Variants in LY75 observed in about 807,000 individuals in gnomAD.
LY75 encodes the protein lymphocyte antigen 75.
Under a neutral mutation model 231.7 loss-of-function variants are expected in LY75, and 185 were observed. The ratio of observed to expected loss-of-function variants is 0.80; its 90% CI spans 0.71 to 0.90. The LOEUF is 0.90. Ranked by LOEUF, LY75 falls within the 40% of genes least tolerant of loss-of-function variation. The pLI, the probability that LY75 is intolerant of heterozygous loss-of-function variation, is 0.00. For synonymous variants in LY75, 668 were observed against 689.0 expected, an observed-to-expected ratio of 0.97 and a Z score of 0.48; for missense variants, 1,947 against 2,050.2, an observed-to-expected ratio of 0.95 and a Z score of 0.97.
At chr2:159,886,578 A>G (rs779718189) in intron 4 of LY75, 48 bp from the exon 5 acceptor site, 1 of 1,533,676 alleles carries the variant, frequency 6.5e-7, no homozygotes. Flanking sequence ...TGCCTAAGTT[A>G]TTATCTAAAT....
In LY75 at chr2:159,803,620, A is replaced by C. The variant is rs1352681756; in HGVS notation, c.*1424T>G. ...AATGTAAAATAAATCTATGGATTTT[A>C]TACAAAAATAAAGTACAAATGTAAG... On this transcript the variant is annotated 3_prime_UTR_variant, in exon 35 of 35. Coordinates refer to ENST00000263636, the MANE Select transcript of LY75 (RefSeq NM_002349.4). 1.4e-4 allele frequency: 3 copies of C among 21,358 alleles called. No homozygotes were observed. The highest frequency in any genetic ancestry group is 9.7e-4 in the African/African-American group (3 of 3,098). 1.3% of individuals were successfully genotyped at this position (21,358 alleles called of 1,614,324 possible). A position where few individuals can be genotyped will look rare whatever the true frequency, so the allele number is the denominator to read the frequency against.
At chr2:159,888,821 C>T (rs1685668974) in intron 4 of LY75, among the ~76,000 whole-genome samples, 1 of 152,176 alleles carries the variant, frequency 6.6e-6, no homozygotes, top group Non-Finnish European at 1.5e-5. Flanking sequence ...TTAGGCTCTG[C>T]TAAATACTTG....
At chr2:159,887,243 ACACACACG>A (rs1182848671) in intron 4 of LY75, among the ~76,000 whole-genome samples, 3 of 150,164 alleles carry the variant, frequency 2.0e-5, no homozygotes, top group African/African-American at 7.4e-5. Context: ...ACACACACAC[ACACACACG>A]TGGTACAGTG....
At chr2:159,830,266 G>A (rs752845733) in intron 28 of LY75, among the ~76,000 whole-genome samples, 2 of 152,126 alleles carry the variant, frequency 1.3e-5, no homozygotes, top group Non-Finnish European at 2.9e-5. Flanking sequence ...AGGCAGATTT[G>A]AGTAATTTAG....
At chr2:159,821,204 A>G (rs1355074134) in intron 28 of LY75, among the ~76,000 whole-genome samples, 1 of 114,472 alleles carries the variant, frequency 8.7e-6, no homozygotes, top group African/African-American at 4.0e-5. Context: ...TCTAAACTGG[A>G]TATCCACATG....
chr2:159,807,597 C>T, intron 33 of LY75: 1 of 984,752 alleles, frequency 1.0e-6, no homozygotes, highest in Non-Finnish European at 1.2e-6. Flanking sequence ...CCCACACCAC[C>T]ACCAGGACTC....
intron 28 of LY75, among the ~76,000 whole-genome samples, chr2:159,820,974 G>A (rs1274928085): frequency 6.6e-6 from 1 of 152,148 alleles, no homozygotes; most frequent in African/African-American, 2.4e-5. Flanking sequence ...GAGTAGCAGG[G>A]ATTACAGGTG....
At position 159,890,260 on chromosome 2, in the gene LY75, G is replaced by A. The variant is rs1225374680; in HGVS notation, c.755C>T (p.Ala252Val). Residue 252 changes from alanine (A) to valine (V), a missense_variant, in exon 4 of 35, where the codon GCT becomes GTT. Transcript: ENST00000263636. Reference sequence around the variant, plus strand: ...AGCACTGTTGATGCTCAGTAAATCAGCTCCTTGATTCTGACATGAAACATA... The same window carrying A: ...AGCACTGTTGATGCTCAGTAAATCAACTCCTTGATTCTGACATGAAACATA... ...EAYVSCQNQGADLLSINSAAE... is the reference protein window; with the variant it reads ...EAYVSCQNQGVDLLSINSAAE... The A allele has an allele frequency of 6.2e-7, 1 of 1,613,452 alleles. No individual in the cohort carries two copies. Among genetic ancestry groups the A allele is most frequent in the Non-Finnish European group, 8.5e-7 (1 of 1,179,662 alleles).
chr2:159,840,603 A>G, intron 25 of LY75, 126 bp downstream of exon 25: 1 of 1,412,462 alleles, frequency 7.1e-7, no homozygotes, highest in Non-Finnish European at 9.5e-7. Flanking sequence ...GACATATTCC[A>G]TGAAATTTAC....
Position 159,854,502 on chromosome 2 carries a change from A to G in LY75, c.2453T>C (p.Ile818Thr), listed in dbSNP as rs758429761. 9.9e-6 allele frequency: 16 copies of G among 1,613,278 alleles called. No individual in the cohort carries two copies. Among genetic ancestry groups the G allele is most frequent in the African/African-American group, 1.3e-5 (1 of 74,904 alleles). Residue 818 changes from isoleucine to threonine, a missense_variant, in exon 18 of 35, where the codon ATT becomes ACT. Coordinates refer to ENST00000263636, the MANE Select transcript of LY75 (RefSeq NM_002349.4). ...AACAAACCAATATTCACTTCCTTCA[A>G]TTATAAGTGGAGGTCCATGAATTCC... Reference protein sequence around the residue: ...RAGIHGPPLIIEGSEYWFVAD... With the variant: ...RAGIHGPPLITEGSEYWFVAD...
rs187933775 is a variant in LY75 at position 159,808,227 on chromosome 2, T to C, written c.4822+222A>G. Reference sequence around the variant, plus strand: ...GCCTCTAGAAAGATTCCACTTTATTTAACAGGATTTTCTGTGTCATTAGTG... The same window carrying C: ...GCCTCTAGAAAGATTCCACTTTATTCAACAGGATTTTCTGTGTCATTAGTG... On this transcript the variant is annotated intron_variant, in intron 33 of 34. Transcript: ENST00000263636. The C allele has an allele frequency of 6.8e-4, 543 of 795,440 alleles. 1 individual carries two copies. The highest frequency in any genetic ancestry group is 7.8e-4 in the Non-Finnish European group (510 of 656,520). 49.3% of individuals were successfully genotyped at this position (795,440 alleles called of 1,614,324 possible).
chr2:159,805,232 G>A lies in LY75; in HGVS notation c.4991-10C>T. On this transcript the variant is annotated splice_polypyrimidine_tract_variant and intron_variant, in intron 34 of 34. Transcript: ENST00000263636. Reference sequence around the variant, plus strand: ...GCTGTGTAATCAGGGCCTGGAACAGGAAAAGGTTTGATGTTGGAGGAGAGA... The same window carrying A: ...GCTGTGTAATCAGGGCCTGGAACAGAAAAAGGTTTGATGTTGGAGGAGAGA... The A allele has an allele frequency of 6.2e-7, 1 of 1,610,444 alleles. No individual in the cohort carries two copies. The highest frequency in any genetic ancestry group is 8.5e-7 in the Non-Finnish European group (1 of 1,177,342).
Position 159,872,538 on chromosome 2 carries a change from A to G in LY75, c.2030T>C (p.Phe677Ser), listed in dbSNP as rs1471191393. ...AAGGTGTGCTCCAAGGGCTTGGCAG[A>G]ATCGTTCAGCTTCTTCCCAGTTCCT... ...RKRNWEEAERFCQALGAHLSS... is the reference protein window; with the variant it reads ...RKRNWEEAERSCQALGAHLSS... Residue 677 changes from phenylalanine to serine, a missense_variant, in exon 13 of 35, where the codon TTC becomes TCC. Transcript: ENST00000263636. 6.2e-7 allele frequency: 1 copy of G among 1,614,016 alleles called. No homozygotes were observed. The highest frequency in any genetic ancestry group is 8.5e-7 in the Non-Finnish European group (1 of 1,179,918).
intron 28 of LY75, among the ~76,000 whole-genome samples, chr2:159,830,712 C>T (rs186567890): frequency 4.4e-4 from 66 of 151,492 alleles, no homozygotes; most frequent in Non-Finnish European, 7.2e-4. Flanking sequence ...GCCTCAGCTT[C>T]CCAAGTAACT....
intron 17 of LY75, 139 bp from the exon 18 acceptor site, chr2:159,854,674 G>C: frequency 8.4e-7 from 1 of 1,192,498 alleles, no homozygotes; most frequent in Non-Finnish European, 1.2e-6. Context: ...CTGACTACAA[G>C]GAACAAGAGA....
At position 159,894,039 on chromosome 2, in the gene LY75, A is replaced by G. The variant is rs1685836025; in HGVS notation, c.512T>C (p.Phe171Ser). ...DGNSYGRPCE[F>S]PFLIDGTWHH... Reference sequence around the variant, plus strand: ...CCAGGTCCCATCAATTAAGAATGGAAATTCACAAGGTCTCCCATAAGAGTT... The same window carrying G: ...CCAGGTCCCATCAATTAAGAATGGAGATTCACAAGGTCTCCCATAAGAGTT... The change falls in exon 3 of 35, where the codon TTT (phenylalanine) becomes TCT (serine). Residue 171 changes from phenylalanine to serine, a missense_variant. By Grantham distance (155) the Phe-to-Ser change is radical. Coordinates refer to ENST00000263636, the MANE Select transcript of LY75 (RefSeq NM_002349.4). 6.2e-7 allele frequency: 1 copy of G among 1,613,806 alleles called. No homozygotes were observed. Among genetic ancestry groups the G allele is most frequent in the Non-Finnish European group, 8.5e-7 (1 of 1,179,800 alleles).
chr2:159,894,350 T>C (rs1511224), intron 2 of LY75, among the ~76,000 whole-genome samples: 58,037 of 152,074 alleles, frequency 0.38, 12,154 homozygotes, highest in South Asian at 0.67. Context: ...TGATCAACCA[T>C]GTGAAGCTTC....
intron 6 of LY75, 105 bp downstream of exon 6, chr2:159,885,048 G>A (rs112345066): frequency 2.0e-6 from 3 of 1,473,870 alleles, no homozygotes; most frequent in African/African-American, 2.8e-5. Context: ...TCAGTATCAG[G>A]AGAAGGAAAG....
chr2:159,869,435 T>C (rs1300925205), intron 13 of LY75, among the ~76,000 whole-genome samples: 3 of 152,060 alleles, frequency 2.0e-5, no homozygotes, highest in Non-Finnish European at 4.4e-5. Flanking sequence ...GTCAGTGAAA[T>C]CGGAAGCTTG....
Sources: allele counts gnomAD v4.1 joint callset (sites outside exome capture counted in the v4.1 genomes callset), GRCh38; gene constraint gnomAD v4.1.1; transcripts MANE v1.5; gene names NCBI Gene and HGNC (gene_info 2026-07-23, HGNC 2026-07-21).